Variants in STIM1 observed in about 807,000 individuals in gnomAD.
The protein encoded by STIM1 is stromal interaction molecule 1.
STIM1 carries 25 observed loss-of-function variants against 74.7 expected under a neutral mutation model. The observed-to-expected ratio is 0.33, with a 90% CI of 0.24 to 0.47. The LOEUF is 0.47. Ranked by LOEUF, STIM1 falls within the 20% of genes least tolerant of loss-of-function variation. The pLI, the probability that STIM1 is intolerant of heterozygous loss-of-function variation, is 1.00. For synonymous variants in STIM1, 328 were observed against 348.8 expected, an observed-to-expected ratio of 0.94 and a Z score of 0.66; for missense variants, 728 against 920.8, an observed-to-expected ratio of 0.79 and a Z score of 2.71.
At chr11:3,872,510 ATTTTCTTT>A (rs2091138822) in intron 1 of STIM1, among the ~76,000 whole-genome samples, 1 of 142,796 alleles carries the variant, frequency 7.0e-6, no homozygotes, top group Non-Finnish European at 1.5e-5. Flanking sequence ...CTTTGCCTCC[ATTTTCTTT>A]TTTTCTTTTT....
chr11:3,962,370 C>T (rs1183539437), intron 1 of STIM1, among the ~76,000 whole-genome samples: 2 of 152,048 alleles, frequency 1.3e-5, no homozygotes, highest in African/African-American at 4.8e-5. Flanking sequence ...TGTTTCACTT[C>T]AGATAGCGGC....
chr11:3,945,593 T>A (rs2093062989), intron 1 of STIM1, among the ~76,000 whole-genome samples: 1 of 152,068 alleles, frequency 6.6e-6, no homozygotes, highest in South Asian at 2.1e-4. Flanking sequence ...AGTAAGACTC[T>A]GTCTCAAAAA....
rs745539009 is a variant in STIM1 at position 4,091,302 on chromosome 11, C to A, written c.1655C>A (p.Ser552Ter). 1 of 1,614,216 alleles carries A rather than the reference C, an allele frequency of 6.2e-7. No homozygotes were observed. Among genetic ancestry groups the A allele is most frequent in the East Asian group, 2.2e-5 (1 of 44,888 alleles). ...TGCAGGGATTTGACCCATTCCGATTCGGAGTCCTCCCTCCACATGAGTGAC... is the reference window on the plus strand; with the variant it reads ...TGCAGGGATTTGACCCATTCCGATTAGGAGTCCTCCCTCCACATGAGTGAC... ...GSQRDLTHSD[S>*]ESSLHMSDRQ... The change falls in exon 13 of 13, where the codon TCG becomes TAG. Residue 552 changes from serine (S) to a stop codon, truncating the protein, a stop_gained. Transcript: ENST00000526596. LOFTEE classifies it high-confidence loss of function.
In STIM1 at chr11:3,895,632, TTC is replaced by T. The variant is rs1170182404; in HGVS notation, c.139+39225_139+39226del. Among the ~76,000 whole-genome samples, 57 of 6,358 alleles carry T rather than the reference TTC, an allele frequency of 9.0e-3. 1 individual carries two copies. Among genetic ancestry groups the T allele is most frequent in the African/African-American group, 0.016 (56 of 3,404 alleles). The allele number at this position is 6,358 out of a possible 152,430, so 4.2% of individuals were successfully genotyped here. A position where few individuals can be genotyped will look rare whatever the true frequency, so the allele number is the denominator to read the frequency against. ...TCTCTTTCTTTCTTTCTTTCTTTCT[TTC>T]TTTCTTTCTTTCTTTCTTTCTTTCT... is the stretch of plus-strand genomic sequence containing the variant. On this transcript the variant is annotated intron_variant, in intron 1 of 12. Transcript: ENST00000526596.
At position 4,091,861 on chromosome 11, in the gene STIM1, C is replaced by T. The variant is rs2094527329; in HGVS notation, c.*63C>T. The T allele has an allele frequency of 6.3e-7, 1 of 1,591,868 alleles. No homozygotes were observed. The highest frequency in any genetic ancestry group is 8.5e-7 in the Non-Finnish European group (1 of 1,175,604). Reference sequence around the variant, plus strand: ...CCCTGGGTGTTCTGTCTCTCCTTCCCTCCCTTCCTTCAAGATAACTGGCCC... The same window carrying T: ...CCCTGGGTGTTCTGTCTCTCCTTCCTTCCCTTCCTTCAAGATAACTGGCCC... On this transcript the variant is annotated 3_prime_UTR_variant, in exon 13 of 13. Transcript: ENST00000526596.
intron 1 of STIM1, among the ~76,000 whole-genome samples, chr11:3,859,273 A>C (rs1565092254): frequency 1.3e-5 from 2 of 152,212 alleles, no homozygotes. Flanking sequence ...CTCTACAAGG[A>C]GGATCTCTCA....
At chr11:3,933,842 C>A (rs1041578215) in intron 1 of STIM1, among the ~76,000 whole-genome samples, 1 of 152,082 alleles carries the variant, frequency 6.6e-6, no homozygotes, top group Admixed American at 6.6e-5. Flanking sequence ...CTCAGGAAGA[C>A]GGAAGATGGG....
chr11:4,045,857 C>T (rs1300105613), intron 3 of STIM1, among the ~76,000 whole-genome samples: 3 of 146,732 alleles, frequency 2.0e-5, no homozygotes, highest in Non-Finnish European at 4.5e-5. Context: ...CCCTCCGCCT[C>T]CCAGGTTCAA....
intron 1 of STIM1, among the ~76,000 whole-genome samples, chr11:3,944,523 A>G (rs1021014621): frequency 6.6e-6 from 1 of 152,204 alleles, no homozygotes; most frequent in African/African-American, 2.4e-5. Context: ...GGTCAGAGAA[A>G]TCTACAGTTT....
At position 3,982,086 on chromosome 11, in the gene STIM1, G is replaced by GC. The variant is rs1590621419; in HGVS notation, c.270+14405dup. Among the ~76,000 whole-genome samples, 3 of 148,076 alleles carry GC rather than the reference G, an allele frequency of 2.0e-5. No homozygotes were observed. In the East Asian group the frequency reaches 6.1e-4, roughly 30 times the overall value. On this transcript the variant is annotated intron_variant, in intron 2 of 12. Coordinates refer to ENST00000526596, the MANE Select transcript of STIM1 (RefSeq NM_001382567.1). ...CTGTCACCCAGCCTGGAGTGCAGTG[G>GC]CATGCTCATAGCTTACTGCAGCCTC...
chr11:3,890,861 C>T lies in STIM1; in HGVS notation c.139+34452C>T, dbSNP rs545634132. On this transcript the variant is annotated intron_variant, in intron 1 of 12. Transcript: ENST00000526596. The stretch of plus-strand genomic sequence containing the variant: ...TAGGACCCCATCCTTAGGACTTTCA[C>T]CTCTCCAGGTATTGGGCCAGAAGTC... Among the ~76,000 whole-genome samples the T allele has an allele frequency of 1.6e-4, 25 of 152,228 alleles. No individual in the cohort carries two copies. The South Asian group carries it at 5.0e-3, about 30-fold the overall frequency.
At chr11:3,987,416 A>T (rs979053297) in intron 2 of STIM1, among the ~76,000 whole-genome samples, 1 of 152,172 alleles carries the variant, frequency 6.6e-6, no homozygotes, top group Non-Finnish European at 1.5e-5. Flanking sequence ...ATGTTGACCA[A>T]GCTGCGTGAT....
chr11:4,022,486 G>A (rs964275756), intron 2 of STIM1, among the ~76,000 whole-genome samples: 2 of 151,588 alleles, frequency 1.3e-5, no homozygotes, highest in African/African-American at 4.9e-5. Flanking sequence ...TAATTGCTCT[G>A]GCTAGGACTT....
rs2093421900 is a variant in STIM1, at chr11:3,974,040, C to T, written c.270+6358C>T. The T allele has an allele frequency of 1.7e-5, 12 of 697,268 alleles. No homozygotes were observed. In the South Asian group the frequency reaches 1.8e-4, roughly 10 times the overall value. 43.2% of individuals were successfully genotyped at this position (697,268 alleles called of 1,614,324 possible). A position where few individuals can be genotyped will look rare whatever the true frequency, so the allele number is the denominator to read the frequency against. On this transcript the variant is annotated intron_variant, in intron 2 of 12. Coordinates refer to ENST00000526596, the MANE Select transcript of STIM1 (RefSeq NM_001382567.1). ...CTTGCATTCACGGCTGCATCCACCT[C>T]CTCCACAGTGGCATATGTGACAAAC... is the stretch of plus-strand genomic sequence containing the variant.
In STIM1 at chr11:3,953,780, C is replaced by CTTTTTTT. The variant is rs201952182; in HGVS notation, c.140-13769_140-13768insTTTTTTT. ...TCGGTATTGACTTCTTGATCTTCTT[C>CTTTTTTT]TTTCTTTTTTTTTTTTTTTTGAGAC... On this transcript the variant is annotated intron_variant, in intron 1 of 12. Coordinates refer to ENST00000526596, the MANE Select transcript of STIM1 (RefSeq NM_001382567.1). Among the ~76,000 whole-genome samples, 11 of 131,088 alleles carry CTTTTTTT rather than the reference C, an allele frequency of 8.4e-5. 1 individual carries two copies. Among genetic ancestry groups the CTTTTTTT allele is most frequent in the Admixed American group, 8.1e-5 (1 of 12,284 alleles). 86.0% of individuals were successfully genotyped at this position (131,088 alleles called of 152,430 possible).
intron 1 of STIM1, among the ~76,000 whole-genome samples, chr11:3,870,736 A>G (rs1389981579): frequency 6.6e-6 from 1 of 151,952 alleles, no homozygotes; most frequent in Non-Finnish European, 1.5e-5. Context: ...GAGCTCAAGC[A>G]ATCCACCCAC....
At chr11:3,946,161 G>A (rs2093070602) in intron 1 of STIM1, among the ~76,000 whole-genome samples, 3 of 152,152 alleles carry the variant, frequency 2.0e-5, no homozygotes, top group Non-Finnish European at 4.4e-5. Flanking sequence ...GGAATTTCTT[G>A]AATAATAGTA....
intron 1 of STIM1, among the ~76,000 whole-genome samples, chr11:3,878,787 A>G (rs2091390021): frequency 2.6e-5 from 4 of 152,100 alleles, no homozygotes; most frequent in Non-Finnish European, 5.9e-5. Context: ...TGCCCTCCCC[A>G]TAGCTCATGT....
chr11:3,856,452 T>C lies in STIM1; in HGVS notation c.139+43T>C, dbSNP rs1265904282. Reference sequence around the variant, plus strand: ...GCTGGACTGGGCTGGAGGCTTTGGCTCAGGACTGAGTGGCCCGAAGTGGGC... The same window carrying C: ...GCTGGACTGGGCTGGAGGCTTTGGCCCAGGACTGAGTGGCCCGAAGTGGGC... On this transcript the variant is annotated intron_variant, in intron 1 of 12. Transcript: ENST00000526596. The C allele has an allele frequency of 5.0e-6, 8 of 1,602,188 alleles. No homozygotes were observed. The East Asian group carries it at 1.1e-4, about 22-fold the overall frequency.
Sources: allele counts gnomAD v4.1 joint callset (sites outside exome capture counted in the v4.1 genomes callset), GRCh38; gene constraint gnomAD v4.1.1; transcripts MANE v1.5; gene names NCBI Gene and HGNC (gene_info 2026-07-23, HGNC 2026-07-21).